Variants in CSMD1 observed in about 807,000 individuals in gnomAD.
CSMD1 encodes CUB and Sushi multiple domains 1, also known as CUB and sushi domain-containing protein 1.
CSMD1 carries 213 observed loss-of-function variants against 417.5 expected under a neutral mutation model. That is an observed-to-expected ratio of 0.51 (90% confidence interval 0.46 to 0.57). The LOEUF (loss-of-function observed/expected upper bound fraction) is 0.57, where lower values mean the gene tolerates loss of function less well. Ranked by LOEUF, CSMD1 falls within the 20% of genes least tolerant of loss-of-function variation. CSMD1 has a pLI of 0.00. For synonymous variants in CSMD1, 2,862 were observed against 1,736.8 expected (o/e 1.65, Z -16.11); for missense variants, 6,923 against 4,529.7 (o/e 1.53, Z -15.17).
At chr8:4,450,712 A>G (rs1799089848) in intron 2 of CSMD1, among the ~76,000 whole-genome samples, 1 of 152,210 alleles carries the variant, frequency 6.6e-6, no homozygotes, top group Non-Finnish European at 1.5e-5. Context: ...CAGAGTTTTA[A>G]TAAATGTCAA....
At chr8:4,445,885 A>C (rs1012418441) in intron 2 of CSMD1, among the ~76,000 whole-genome samples, 3 of 152,194 alleles carry the variant, frequency 2.0e-5, no homozygotes, top group African/African-American at 7.2e-5. Context: ...AGGGCACAAG[A>C]GGAGAGAGCA....
chr8:3,461,227 C>A (rs1187248812), intron 12 of CSMD1, among the ~76,000 whole-genome samples: 4 of 152,208 alleles, frequency 2.6e-5, no homozygotes, highest in African/African-American at 7.2e-5. Context: ...GAAGAAGATG[C>A]AAGGGCTACT....
At chr8:4,792,130 T>A (rs1161511311) in intron 1 of CSMD1, among the ~76,000 whole-genome samples, 2 of 152,266 alleles carry the variant, frequency 1.3e-5, no homozygotes, top group Admixed American at 1.3e-4. Context: ...AGAATCTCTC[T>A]CCTTATTTTA....
chr8:3,385,836 G>A (rs1034066257), intron 18 of CSMD1, among the ~76,000 whole-genome samples: 1 of 151,824 alleles, frequency 6.6e-6, no homozygotes, highest in Non-Finnish European at 1.5e-5. Flanking sequence ...GAAGAAGTTG[G>A]CCAGAGAATT....
chr8:3,273,876 C>G (rs933248025), intron 26 of CSMD1, among the ~76,000 whole-genome samples: 1 of 152,114 alleles, frequency 6.6e-6, no homozygotes, highest in South Asian at 2.1e-4. Context: ...TTCAAAAAAC[C>G]AGCTCCTGGA....
At chr8:3,948,969 C>G (rs1811424656) in intron 5 of CSMD1, among the ~76,000 whole-genome samples, 2 of 151,928 alleles carry the variant, frequency 1.3e-5, no homozygotes, top group African/African-American at 4.8e-5. Context: ...AAATATTTAT[C>G]ACCAGGGTAA....
At chr8:3,231,739 G>A (rs568323608) in intron 26 of CSMD1, among the ~76,000 whole-genome samples, 1 of 152,214 alleles carries the variant, frequency 6.6e-6, no homozygotes, top group South Asian at 2.1e-4. Flanking sequence ...AGACATCAAG[G>A]ATCCTATAGT....
intron 5 of CSMD1, among the ~76,000 whole-genome samples, chr8:3,772,470 CAT>C (rs34875542): frequency 0.011 from 414 of 38,560 alleles, 35 homozygotes; most frequent in East Asian, 0.025. Flanking sequence ...CATATATACA[CAT>C]ATATATACAT....
At chr8:3,108,506 T>A (rs1563052332) in intron 44 of CSMD1, 97 bp downstream of exon 44, 1 of 1,296,050 alleles carries the variant, frequency 7.7e-7, no homozygotes, top group East Asian at 2.4e-5. Context: ...CTCGGCTGAA[T>A]CAAGAAACTT....
At chr8:4,928,770 T>A (rs1217410659) in intron 1 of CSMD1, among the ~76,000 whole-genome samples, 1 of 151,898 alleles carries the variant, frequency 6.6e-6, no homozygotes, top group Non-Finnish European at 1.5e-5. Flanking sequence ...ATTAAAGAGG[T>A]AATTAAGTTA....
chr8:4,804,171 G>A (rs919863435), intron 1 of CSMD1, among the ~76,000 whole-genome samples: 6 of 151,970 alleles, frequency 3.9e-5, no homozygotes, highest in Non-Finnish European at 8.8e-5. Context: ...ATTCTGAATG[G>A]AACCAAATAA....
intron 8 of CSMD1, among the ~76,000 whole-genome samples, chr8:3,609,957 A>C (rs1032972036): frequency 5.9e-5 from 9 of 151,672 alleles, no homozygotes; most frequent in African/African-American, 2.2e-4. Flanking sequence ...GCACACCAAC[A>C]TGCCCAGCTA....
At chr8:4,982,592 C>G (rs1235557363) in intron 1 of CSMD1, among the ~76,000 whole-genome samples, 1 of 152,102 alleles carries the variant, frequency 6.6e-6, no homozygotes, top group African/African-American at 2.4e-5. Context: ...CTCATAGGTT[C>G]TATTCTTAAA....
chr8:4,497,766 A>G (rs1214578493), intron 2 of CSMD1, among the ~76,000 whole-genome samples: 1 of 152,224 alleles, frequency 6.6e-6, no homozygotes, highest in Admixed American at 6.5e-5. Context: ...TCTGCAAGAA[A>G]TATGTGTAAG....
intron 9 of CSMD1, among the ~76,000 whole-genome samples, chr8:3,580,516 G>T (rs1800337775): frequency 6.6e-6 from 1 of 152,144 alleles, no homozygotes; most frequent in African/African-American, 2.4e-5. Context: ...CAGGTTCTTT[G>T]ATGTCAATAG....
In CSMD1 at chr8:3,708,422, T is replaced by A. The variant is rs1011644682; in HGVS notation, c.1001A>T (p.Asn334Ile). The change falls in exon 7 of 70, where the codon AAC (asparagine) becomes ATC (isoleucine). Residue 334 changes from asparagine to isoleucine, a missense_variant. Asn to Ile is a moderately radical substitution (Grantham distance 149). Coordinates refer to ENST00000635120, the MANE Select transcript of CSMD1 (RefSeq NM_033225.6). ...AAAGGAAAGGGACTCACAGACAGAG[T>A]TTTTATGGCTTCCATCCTTGCTGGG... ...MLPSKDGSHK[N>I]SVLSQGGVAL... The A allele has an allele frequency of 6.2e-7, 1 of 1,613,338 alleles. No individual in the cohort carries two copies. The highest frequency in any genetic ancestry group is 8.5e-7 in the Non-Finnish European group (1 of 1,179,588).
At chr8:4,440,367 A>C (rs982073986) in intron 2 of CSMD1, among the ~76,000 whole-genome samples, 3 of 152,220 alleles carry the variant, frequency 2.0e-5, no homozygotes, top group East Asian at 1.9e-4. Context: ...TTATGCAATT[A>C]TACAATGAAT....
chr8:4,879,563 C>A (rs1253665925), intron 1 of CSMD1, among the ~76,000 whole-genome samples: 1 of 151,814 alleles, frequency 6.6e-6, no homozygotes, highest in Non-Finnish European at 1.5e-5. Flanking sequence ...AATACGATTT[C>A]TAGGGAGATT....
intron 3 of CSMD1, among the ~76,000 whole-genome samples, chr8:4,101,780 G>A (rs1452831188): frequency 6.6e-6 from 1 of 152,210 alleles, no homozygotes; most frequent in South Asian, 2.1e-4. Context: ...AGCAAATGCT[G>A]GGTACAGAAG....
Sources: gnomAD v4.1 joint callset for allele counts (sites outside exome capture counted in the v4.1 genomes callset) on GRCh38, gnomAD v4.1.1 for gene constraint, MANE v1.5 for transcripts, NCBI Gene and HGNC (gene_info 2026-07-23, HGNC 2026-07-21) for gene names.